Variants in PADI1 observed in about 807,000 individuals in gnomAD.
The protein encoded by PADI1 is peptidyl arginine deiminase 1, also known as protein-arginine deiminase type-1.
A neutral mutation model predicts 74.8 loss-of-function variants in PADI1; 65 were observed. The ratio of observed to expected loss-of-function variants is 0.87; its 90% CI spans 0.71 to 1.07. PADI1 has a LOEUF of 1.07. Among genes scored for constraint, PADI1 ranks in the 50% least tolerant of loss-of-function variants. The pLI, the probability that PADI1 is intolerant of heterozygous loss-of-function variation, is 0.00. For synonymous variants in PADI1, 371 were observed against 336.2 expected, an observed-to-expected ratio of 1.10 and a Z score of -1.13; for missense variants, 943 against 854.0, an observed-to-expected ratio of 1.10 and a Z score of -1.30.
At chr1:17,240,499 T>C in intron 14 of PADI1, 136 bp from the exon 15 acceptor site, 1 of 917,756 alleles carries the variant, frequency 1.1e-6, no homozygotes, top group East Asian at 2.6e-5. Context: ...CAATGGTTTC[T>C]ATTGCACAAA....
At position 17,223,601 on chromosome 1, in the gene PADI1, C is replaced by T. The variant is rs370413767; in HGVS notation, c.274-20C>T. On this transcript the variant is annotated intron_variant, in intron 2 of 15. Transcript: ENST00000375471. ...TCTCTGAAGGTGATGGCCGTGCAGG[C>T]TTAGGGCTATGTTCTGCAGGTGAGG... 1.9e-6 allele frequency: 3 copies of T among 1,606,596 alleles called. No individual in the cohort carries two copies. The highest frequency in any genetic ancestry group is 4.5e-5 in the East Asian group (2 of 44,820).
rs759634783 is a variant in PADI1, at chr1:17,239,803, G to A, written c.1632+20G>A. Reference sequence around the variant, plus strand: ...GCACAGGTGAGAGGCAGGACCACCAGCTGCTCTAAGGGGTCCTTTCCCTTC... The same window carrying A: ...GCACAGGTGAGAGGCAGGACCACCAACTGCTCTAAGGGGTCCTTTCCCTTC... On this transcript the variant is annotated intron_variant, in intron 14 of 15. Coordinates refer to ENST00000375471, the MANE Select transcript of PADI1 (RefSeq NM_013358.3). 13 of 1,583,740 alleles carry A rather than the reference G, an allele frequency of 8.2e-6. No homozygotes were observed. In the East Asian group the frequency reaches 2.2e-4, roughly 27 times the overall value.
chr1:17,224,106 G>A (rs3003482), intron 3 of PADI1, among the ~76,000 whole-genome samples: 114,916 of 152,106 alleles, frequency 0.76, 44,085 homozygotes, highest in Admixed American at 0.86. Flanking sequence ...CATATGATTT[G>A]GAACCCCAAA....
At chr1:17,215,473 C>G (rs567783006) in intron 1 of PADI1, among the ~76,000 whole-genome samples, 1 of 152,130 alleles carries the variant, frequency 6.6e-6, no homozygotes, top group African/African-American at 2.4e-5. Context: ...AACTTTTGCC[C>G]AAAGCTAGGG....
chr1:17,232,034 G>A (rs2072503923), intron 10 of PADI1, among the ~76,000 whole-genome samples: 1 of 152,152 alleles, frequency 6.6e-6, no homozygotes, highest in Non-Finnish European at 1.5e-5. Flanking sequence ...TGCCTTCCGG[G>A]TTCAAGCGAT....
chr1:17,212,105 G>A (rs573258329), intron 1 of PADI1, among the ~76,000 whole-genome samples: 7 of 152,274 alleles, frequency 4.6e-5, no homozygotes, highest in South Asian at 2.1e-4. Context: ...ACGGGGTGGC[G>A]GCCAGTACCC....
chr1:17,235,556 C>G (rs1272609728), intron 11 of PADI1, among the ~76,000 whole-genome samples: 1 of 152,076 alleles, frequency 6.6e-6, no homozygotes, highest in Non-Finnish European at 1.5e-5. Flanking sequence ...CCTCCAGGAT[C>G]CTTGGGACCT....
chr1:17,219,456 C>A (rs2072073606), intron 1 of PADI1, among the ~76,000 whole-genome samples: 1 of 151,984 alleles, frequency 6.6e-6, no homozygotes, highest in African/African-American at 2.4e-5. Flanking sequence ...GTAGTGGGTG[C>A]AGTTTTTTGA....
intron 9 of PADI1, 82 bp from the exon 10 acceptor site, chr1:17,230,490 G>T: frequency 2.1e-6 from 2 of 974,148 alleles, no homozygotes; most frequent in Non-Finnish European, 3.1e-6. Context: ...GCCCTGCCCT[G>T]CCCCAGGCCT....
chr1:17,212,436 C>T (rs12086331), intron 1 of PADI1, among the ~76,000 whole-genome samples: 6,618 of 151,164 alleles, frequency 0.044, 481 homozygotes, highest in African/African-American at 0.14. Flanking sequence ...TTGGCCCCCA[C>T]CCCCACCCAC....
At chr1:17,217,797 A>C (rs75727984) in intron 1 of PADI1, among the ~76,000 whole-genome samples, 4,535 of 152,340 alleles carry the variant, frequency 0.03, 222 homozygotes, top group African/African-American at 0.1. Flanking sequence ...CAAGGCTACA[A>C]ATCAGGGCTT....
intron 1 of PADI1, among the ~76,000 whole-genome samples, chr1:17,212,128 CCTCCAGGCAGATCCCTGG>C (rs1278473836): frequency 6.6e-6 from 1 of 152,214 alleles, no homozygotes; most frequent in Non-Finnish European, 1.5e-5. Context: ...GGACTATCAG[CCTCCAGGCAGATCCCTGG>C]CTCCAGGCAG....
At chr1:17,230,799 A>T (rs533024188) in intron 10 of PADI1, 120 bp downstream of exon 10, 1 of 646,368 alleles carries the variant, frequency 1.5e-6, no homozygotes, top group South Asian at 1.8e-5. Flanking sequence ...GGGCAGAAGG[A>T]TACAGGAGGT....
rs191927379 is a variant in PADI1 at position 17,231,479 on chromosome 1, G to A, written c.1161+800G>A. On this transcript the variant is annotated intron_variant, in intron 10 of 15. Coordinates refer to ENST00000375471, the MANE Select transcript of PADI1 (RefSeq NM_013358.3). Reference sequence around the variant, plus strand: ...GACGGTGATGGTCCAGGTAGGAGCTGTGATGGGATGCAGTCTGTGGGCACA... The same window carrying A: ...GACGGTGATGGTCCAGGTAGGAGCTATGATGGGATGCAGTCTGTGGGCACA... Among the ~76,000 whole-genome samples the A allele has an allele frequency of 3.1e-3, 472 of 152,312 alleles. 5 individuals carry two copies. The highest frequency in any genetic ancestry group is 0.011 in the African/African-American group (458 of 41,572).
chr1:17,244,458 C>G lies in PADI1; in HGVS notation c.*215C>G. 2 of 656,152 alleles carry G rather than the reference C, an allele frequency of 3.0e-6. No homozygotes were observed. Among genetic ancestry groups the G allele is most frequent in the Non-Finnish European group, 5.6e-6 (2 of 355,458 alleles). 40.6% of individuals were successfully genotyped at this position (656,152 alleles called of 1,614,324 possible). On this transcript the variant is annotated 3_prime_UTR_variant, in exon 16 of 16. Coordinates refer to ENST00000375471, the MANE Select transcript of PADI1 (RefSeq NM_013358.3). Reference sequence around the variant, plus strand: ...CCCGAGAAGAATGCACCTCATTCTTCCCTGGCCTCTTTCCCACCCACAGCC... The same window carrying G: ...CCCGAGAAGAATGCACCTCATTCTTGCCTGGCCTCTTTCCCACCCACAGCC...
At chr1:17,218,226 A>C (rs2072032419) in intron 1 of PADI1, among the ~76,000 whole-genome samples, 1 of 152,196 alleles carries the variant, frequency 6.6e-6, no homozygotes, top group Non-Finnish European at 1.5e-5. Context: ...ACTATATAGA[A>C]TTTACAACAC....
intron 4 of PADI1, among the ~76,000 whole-genome samples, chr1:17,225,475 G>A (rs1230344310): frequency 1.3e-5 from 2 of 152,152 alleles, no homozygotes; most frequent in African/African-American, 2.4e-5. Flanking sequence ...ATGGCAGGCA[G>A]CCTCTGCCCA....
chr1:17,216,677 C>CCTGG (rs1423278712), intron 1 of PADI1, among the ~76,000 whole-genome samples: 1 of 152,048 alleles, frequency 6.6e-6, no homozygotes, highest in Non-Finnish European at 1.5e-5. Flanking sequence ...TCAAGACCAG[C>CCTGG]CTGGCCAACA....
chr1:17,220,196 T>A (rs57595278), intron 1 of PADI1, among the ~76,000 whole-genome samples: 33,841 of 151,864 alleles, frequency 0.22, 4,260 homozygotes, highest in Admixed American at 0.32. Flanking sequence ...CTCCTGCCTC[T>A]TCTGTAAAAT....
Sources: allele counts gnomAD v4.1 joint callset (sites outside exome capture counted in the v4.1 genomes callset), GRCh38; gene constraint gnomAD v4.1.1; transcripts MANE v1.5; gene names NCBI Gene and HGNC (gene_info 2026-07-23, HGNC 2026-07-21).